Variants in SNAP47 observed in about 807,000 individuals in gnomAD.
SNAP47 encodes synaptosomal-associated protein 47.
In SNAP47, 20 loss-of-function variants were observed where a neutral mutation model predicts 31.4. That is an observed-to-expected ratio of 0.64 (90% CI 0.45 to 0.93). The LOEUF (loss-of-function observed/expected upper bound fraction) is 0.93. SNAP47 is among the 40% of genes least tolerant of loss of function. The pLI, the probability that SNAP47 is intolerant of heterozygous loss-of-function variation, is 0.00. For synonymous variants in SNAP47, 194 were observed against 213.4 expected (o/e 0.91, Z 0.79); for missense variants, 492 against 528.5 (o/e 0.93, Z 0.68).
chr1:227,745,732 C>T (rs949516669), intron 1 of SNAP47: 10 of 152,226 alleles, frequency 6.6e-5, no homozygotes, highest in African/African-American at 2.4e-4. Flanking sequence ...TCAGGAACTC[C>T]CCCATGCTGT....
chr1:227,757,464 A>G (rs1662767117), intron 2 of SNAP47, among the ~76,000 whole-genome samples: 1 of 152,214 alleles, frequency 6.6e-6, no homozygotes, highest in Admixed American at 6.5e-5. Context: ...CTTCATCAAA[A>G]TCCCAAACGC....
chr1:227,753,860 C>A (rs1461485039), intron 2 of SNAP47, among the ~76,000 whole-genome samples: 1 of 152,048 alleles, frequency 6.6e-6, no homozygotes, highest in Non-Finnish European at 1.5e-5. Flanking sequence ...TCTCCAACCC[C>A]ACGACAGCAT....
chr1:227,732,669 A>C (rs1660742722), upstream of SNAP47: 1 of 1,612,632 alleles, frequency 6.2e-7, no homozygotes, highest in Non-Finnish European at 8.5e-7. Flanking sequence ...GCAGGACCTC[A>C]TGATGACCTG....
chr1:227,730,078 CCCCTT>C (rs968204613), upstream of SNAP47, among the ~76,000 whole-genome samples: 1 of 152,210 alleles, frequency 6.6e-6, no homozygotes, highest in African/African-American at 2.4e-5. Context: ...GTTTCTCTGA[CCCCTT>C]TCCTCAGGAA....
chr1:227,770,284 G>A lies in SNAP47; in HGVS notation c.1113+3201G>A, dbSNP rs116079813. On this transcript the variant is annotated intron_variant, in intron 4 of 4. Transcript: ENST00000617596. ...TTCCCAGGGAGCCGAGCCTGGTGCT[G>A]GGACGGGGGTGAGACTGAGGGTGCG... 1.8e-3 allele frequency among the ~76,000 whole-genome samples: 273 copies of A among 152,354 alleles called. 1 individual carries two copies. The highest frequency in any genetic ancestry group is 6.2e-3 in the African/African-American group (259 of 41,580).
chr1:227,773,402 T>G (rs1311103464), intron 4 of SNAP47, among the ~76,000 whole-genome samples: 1 of 151,984 alleles, frequency 6.6e-6, no homozygotes, highest in Admixed American at 6.6e-5. Context: ...TACAGAAGAG[T>G]CAGAGTTAAA....
intron 2 of SNAP47, among the ~76,000 whole-genome samples, chr1:227,748,544 A>T (rs1270317837): frequency 6.6e-6 from 1 of 152,220 alleles, no homozygotes; most frequent in African/African-American, 2.4e-5. Flanking sequence ...CAGCAAGCAG[A>T]GACTGTGCTG....
chr1:227,732,760 G>A, upstream of SNAP47: 2 of 1,589,706 alleles, frequency 1.3e-6, no homozygotes, highest in East Asian at 2.2e-5. Flanking sequence ...CAGTCCCCAA[G>A]GACGAAGAAG....
At chr1:227,750,605 T>C (rs1039699279) in intron 2 of SNAP47, among the ~76,000 whole-genome samples, 4 of 152,002 alleles carry the variant, frequency 2.6e-5, no homozygotes, top group Non-Finnish European at 5.9e-5. Flanking sequence ...CGTCCTGGCT[T>C]CTCCCTGCCC....
intron 4 of SNAP47, among the ~76,000 whole-genome samples, chr1:227,772,874 A>G (rs1296291558): frequency 1.3e-5 from 2 of 152,230 alleles, no homozygotes; most frequent in Non-Finnish European, 2.9e-5. Context: ...AGCCATAGAT[A>G]ATATGAGTTT....
intron 1 of SNAP47, among the ~76,000 whole-genome samples, chr1:227,738,416 T>A (rs1415210057): frequency 6.6e-6 from 1 of 152,174 alleles, no homozygotes; most frequent in Non-Finnish European, 1.5e-5. Flanking sequence ...ATTCATTCAT[T>A]CATTCTCTCT....
chr1:227,761,048 T>C (rs1250683684), intron 3 of SNAP47, among the ~76,000 whole-genome samples: 2 of 152,242 alleles, frequency 1.3e-5, no homozygotes, highest in Non-Finnish European at 2.9e-5. Context: ...TATCAATGCC[T>C]ATGTATTGTG....
chr1:227,729,898 AC>A (rs1447692666), intron 1 of SNAP47, among the ~76,000 whole-genome samples: 1 of 152,106 alleles, frequency 6.6e-6, no homozygotes, highest in Non-Finnish European at 1.5e-5. Flanking sequence ...GCAGGGCCTG[AC>A]TTTTCCAGCC....
upstream of SNAP47, chr1:227,732,879 A>G (rs544360095): frequency 9.6e-5 from 155 of 1,612,354 alleles, no homozygotes; most frequent in Admixed American, 1.3e-4. Context: ...TAGCCACCCC[A>G]CCTGGCAGTG....
At position 227,759,108 on chromosome 1, in the gene SNAP47, T is replaced by C; in HGVS notation, c.611T>C (p.Phe204Ser). 1.2e-6 allele frequency: 2 copies of C among 1,614,062 alleles called. No homozygotes were observed. The highest frequency in any genetic ancestry group is 1.7e-6 in the Non-Finnish European group (2 of 1,180,022). ...GTCTCCATGACCAGTTGTGAACCCT[T>C]TGGGAAAGAAGGGATACTGATAAAA... Reference protein sequence around the residue: ...EDVSMTSCEPFGKEGILIKIP... With the variant: ...EDVSMTSCEPSGKEGILIKIP... The change falls in exon 3 of 5, where the codon TTT becomes TCT. Residue 204 changes from phenylalanine (F) to serine (S), a missense_variant. Phe to Ser is a radical substitution (Grantham distance 155). Transcript: ENST00000617596.
At chr1:227,733,738 G>A (rs1660840978), upstream of SNAP47, 6 of 1,596,922 alleles carry the variant, frequency 3.8e-6, no homozygotes, top group South Asian at 4.4e-5. Context: ...GGCTTTGCTT[G>A]GCACCCCAGA....
intron 2 of SNAP47, among the ~76,000 whole-genome samples, chr1:227,756,690 A>G (rs962488284): frequency 2.6e-5 from 4 of 152,158 alleles, no homozygotes; most frequent in African/African-American, 9.7e-5. Flanking sequence ...GGATGTCCCA[A>G]TCATGTGGAG....
chr1:227,749,832 CTG>C (rs375847026), intron 2 of SNAP47, among the ~76,000 whole-genome samples: 1 of 136,638 alleles, frequency 7.3e-6, no homozygotes, highest in Non-Finnish European at 1.6e-5. Flanking sequence ...TGTGTGTCAT[CTG>C]TGTGTGTGTG....
chr1:227,731,666 TG>T, upstream of SNAP47: 1 of 153,386 alleles, frequency 6.5e-6, no homozygotes, highest in Non-Finnish European at 1.5e-5. Flanking sequence ...GAAGAGGGGC[TG>T]GGGACCCACC....
Sources: gnomAD v4.1 joint callset for allele counts (sites outside exome capture counted in the v4.1 genomes callset) on GRCh38, gnomAD v4.1.1 for gene constraint, MANE v1.5 for transcripts, NCBI Gene and HGNC (gene_info 2026-07-23, HGNC 2026-07-21) for gene names.